Variants in RARB observed in about 807,000 individuals in gnomAD.
RARB encodes HBV-activated protein.
In RARB, 17 loss-of-function variants were observed where a neutral mutation model predicts 51.9. That is an observed-to-expected ratio of 0.33 (90% CI 0.22 to 0.49). The LOEUF (loss-of-function observed/expected upper bound fraction) is 0.49, where lower values mean the gene tolerates loss of function less well. Among genes scored for constraint, RARB ranks in the 20% least tolerant of loss-of-function variants. RARB has a pLI of 0.99. For missense variants in RARB, 369 were observed against 550.8 expected, an observed-to-expected ratio of 0.67 and a Z score of 3.30; for synonymous variants, 215 against 195.4, an observed-to-expected ratio of 1.10 and a Z score of -0.84.
chr3:24,879,380 G>A (rs1252872266), intron 2 of RARB, among the ~76,000 whole-genome samples: 2 of 150,854 alleles, frequency 1.3e-5, no homozygotes, highest in Non-Finnish European at 2.9e-5. Context: ...AGTGAGGCGA[G>A]ATCGCATCAC....
At chr3:25,560,616 A>G (rs1298732209) in intron 3 of RARB, among the ~76,000 whole-genome samples, 1 of 152,204 alleles carries the variant, frequency 6.6e-6, no homozygotes, top group Non-Finnish European at 1.5e-5. Flanking sequence ...GACAGTTTCC[A>G]TACTCTGTCT....
intron 5 of RARB, among the ~76,000 whole-genome samples, chr3:25,287,711 G>T (rs1219118365): frequency 1.3e-5 from 2 of 152,118 alleles, no homozygotes; most frequent in Non-Finnish European, 2.9e-5. Context: ...TGGGAAAGTG[G>T]CCTAATCAAA....
intron 2 of RARB, among the ~76,000 whole-genome samples, chr3:25,482,949 A>G (rs1304667897): frequency 6.6e-6 from 1 of 152,210 alleles, no homozygotes; most frequent in East Asian, 1.9e-4. Context: ...CTATTGAAAT[A>G]TTTTTACATA....
At chr3:25,176,030 A>G (rs567757571) in intron 5 of RARB, among the ~76,000 whole-genome samples, 3 of 152,350 alleles carry the variant, frequency 2.0e-5, no homozygotes, top group Non-Finnish European at 2.9e-5. Flanking sequence ...TGATAAAGCC[A>G]TTAAAATTTT....
intron 5 of RARB, among the ~76,000 whole-genome samples, chr3:25,411,152 GA>G (rs1431839091): frequency 6.6e-6 from 1 of 151,848 alleles, no homozygotes; most frequent in African/African-American, 2.4e-5. Context: ...ATAATATATA[GA>G]AAAAATGAAA....
At chr3:25,430,255 T>G (rs2125514838) in intron 1 of RARB, among the ~76,000 whole-genome samples, 1 of 152,364 alleles carries the variant, frequency 6.6e-6, no homozygotes, top group Admixed American at 6.5e-5. Flanking sequence ...CTTTTCTTTT[T>G]TGGTGCCCAT....
intron 5 of RARB, among the ~76,000 whole-genome samples, chr3:25,582,439 C>G (rs760663844): frequency 2.6e-5 from 4 of 151,982 alleles, no homozygotes; most frequent in Non-Finnish European, 5.9e-5. Context: ...GGGCCTGGAG[C>G]CTTCCCAGGC....
At chr3:25,005,587 G>T (rs1202080044) in intron 2 of RARB, among the ~76,000 whole-genome samples, 1 of 152,124 alleles carries the variant, frequency 6.6e-6, no homozygotes, top group South Asian at 2.1e-4. Context: ...TAGCAAGATG[G>T]AAGCCACAAT....
intron 2 of RARB, among the ~76,000 whole-genome samples, chr3:24,999,507 TACATAC>T (rs1697113330): frequency 6.6e-6 from 1 of 152,110 alleles, no homozygotes; most frequent in African/African-American, 2.4e-5. Flanking sequence ...AGCCTACCAA[TACATAC>T]TTTTGTACAT....
intron 2 of RARB, among the ~76,000 whole-genome samples, chr3:24,940,280 G>A (rs1377773647): frequency 6.6e-6 from 1 of 152,004 alleles, no homozygotes; most frequent in Non-Finnish European, 1.5e-5. Context: ...TGGAAATAAT[G>A]GGAGCAGCTC....
intron 1 of RARB, among the ~76,000 whole-genome samples, chr3:25,451,129 T>C (rs1405214460): frequency 6.6e-6 from 1 of 151,796 alleles, no homozygotes; most frequent in Non-Finnish European, 1.5e-5. Context: ...CTGCCCTAGA[T>C]TAAGGAAGGT....
intron 4 of RARB, among the ~76,000 whole-genome samples, chr3:25,141,588 GCTAT>G (rs1250556830): frequency 6.6e-6 from 1 of 152,046 alleles, no homozygotes; most frequent in Non-Finnish European, 1.5e-5. Context: ...AAATGAAAGG[GCTAT>G]CATTTCAATC....
chr3:24,884,358 A>T (rs1703231475), intron 2 of RARB, among the ~76,000 whole-genome samples: 1 of 152,142 alleles, frequency 6.6e-6, no homozygotes, highest in South Asian at 2.1e-4. Flanking sequence ...CTTATTGTGC[A>T]TTTTATGAAG....
intron 3 of RARB, among the ~76,000 whole-genome samples, chr3:25,089,350 G>T (rs1467019898): frequency 6.6e-6 from 1 of 151,892 alleles, no homozygotes; most frequent in Non-Finnish European, 1.5e-5. Flanking sequence ...GTACATTGGA[G>T]TATACAGAAA....
At chr3:25,158,346 A>T (rs988638026) in intron 4 of RARB, among the ~76,000 whole-genome samples, 10 of 152,344 alleles carry the variant, frequency 6.6e-5, no homozygotes, top group African/African-American at 2.4e-4. Context: ...CAATAGTTCC[A>T]TGGCTTGCAT....
chr3:24,970,588 C>T (rs1056059032), intron 2 of RARB, among the ~76,000 whole-genome samples: 3 of 145,410 alleles, frequency 2.1e-5, no homozygotes, highest in African/African-American at 7.4e-5. Context: ...CACACACACA[C>T]ACACACACAC....
intron 5 of RARB, among the ~76,000 whole-genome samples, chr3:25,406,506 C>G (rs1292156907): frequency 6.6e-6 from 1 of 152,228 alleles, no homozygotes; most frequent in South Asian, 2.1e-4. Flanking sequence ...CTTGTCCTCA[C>G]ATGATTGAAC....
At chr3:24,976,754 CTTTAG>C (rs1280869797) in intron 2 of RARB, among the ~76,000 whole-genome samples, 1 of 152,164 alleles carries the variant, frequency 6.6e-6, no homozygotes, top group Non-Finnish European at 1.5e-5. Context: ...TGCAGAAGCT[CTTTAG>C]TTTAATTAGA....
chr3:25,589,469 T>C (rs1701529623), intron 5 of RARB, among the ~76,000 whole-genome samples: 2 of 152,232 alleles, frequency 1.3e-5, no homozygotes, highest in Non-Finnish European at 2.9e-5. Flanking sequence ...CTCTGGCTGC[T>C]GTGGATTGAC....
Sources: gnomAD v4.1 joint callset for allele counts (sites outside exome capture counted in the v4.1 genomes callset) on GRCh38, gnomAD v4.1.1 for gene constraint, MANE v1.5 for transcripts, NCBI Gene and HGNC (gene_info 2026-07-23, HGNC 2026-07-21) for gene names.